Variants in ZNF688 observed in about 807,000 individuals in gnomAD.
ZNF688 encodes zinc finger protein 688.
ZNF688 carries 10 observed loss-of-function variants against 13.2 expected under a neutral mutation model. The ratio of observed to expected loss-of-function variants is 0.76; its 90% CI spans 0.47 to 1.28. The LOEUF is 1.28. Among genes scored for constraint, ZNF688 ranks in the 50% most tolerant of loss-of-function variants. The pLI, the probability that ZNF688 is intolerant of heterozygous loss-of-function variation, is 0.00. For synonymous variants in ZNF688, 160 were observed against 159.4 expected (o/e 1.00, Z -0.03); for missense variants, 381 against 391.4 (o/e 0.97, Z 0.22).
chr16:30,573,401 T>G, upstream of ZNF688, among the ~76,000 whole-genome samples: 1 of 152,188 alleles, frequency 6.6e-6, no homozygotes, highest in Non-Finnish European at 1.5e-5. Context: ...GCTTCCTAGA[T>G]TTAAGGTCTT....
chr16:30,572,695 C>T (rs1410892885), upstream of ZNF688: 1 of 157,672 alleles, frequency 6.3e-6, no homozygotes, highest in Admixed American at 6.5e-5. Context: ...CCTCAGCCTC[C>T]CGAGTAGCTG....
rs756926678 is a variant in ZNF688, at chr16:30,570,243, C to T, written c.504G>A (p.Pro168=). Residue 168 remains proline (P), a synonymous_variant, in exon 3 of 3, where the codon CCG becomes CCA. Coordinates refer to ENST00000223459, the MANE Select transcript of ZNF688 (RefSeq NM_145271.4). ...AWDPTTGAQP[P]APIPSMDAQA... Reference sequence around the variant, plus strand: ...GAGCATCCATGCTGGGTATGGGTGCCGGGGGCTGTGCTCCTGTGGTCGGGT... The same window carrying T: ...GAGCATCCATGCTGGGTATGGGTGCTGGGGGCTGTGCTCCTGTGGTCGGGT... The T allele has an allele frequency of 1.9e-6, 3 of 1,613,382 alleles. No individual in the cohort carries two copies. Among genetic ancestry groups the T allele is most frequent in the South Asian group, 1.1e-5 (1 of 91,056 alleles).
Position 30,570,188 on chromosome 16 carries a change from C to T in ZNF688, c.559G>A (p.Asp187Asn). ...QAGQRRHVCTDCGRRFTYPSL... is the reference protein window; with the variant it reads ...QAGQRRHVCTNCGRRFTYPSL... ...GGGTAGGTGAAGCGGCGGCCGCAGT[C>T]CGTGCACACGTGGCGCCGCTGGCCG... Residue 187 changes from aspartate (D) to asparagine (N), a missense_variant, in exon 3 of 3, where the codon GAC becomes AAC. Physicochemically the swap from Asp to Asn is conservative, Grantham distance 23 (BLOSUM62 1). Transcript: ENST00000223459. 6.2e-7 allele frequency: 1 copy of T among 1,611,398 alleles called. No individual in the cohort carries two copies. Among genetic ancestry groups the T allele is most frequent in the Non-Finnish European group, 8.5e-7 (1 of 1,178,952 alleles).
At chr16:30,574,507 T>C (rs2051729274), upstream of ZNF688, among the ~76,000 whole-genome samples, 2 of 151,024 alleles carry the variant, frequency 1.3e-5, no homozygotes, top group East Asian at 3.9e-4. Flanking sequence ...GATCACACCA[T>C]TGCACTCCAG....
upstream of ZNF688, among the ~76,000 whole-genome samples, chr16:30,575,759 C>T (rs1033985522): frequency 5.3e-5 from 8 of 150,774 alleles, no homozygotes; most frequent in Non-Finnish European, 1.2e-4. Context: ...AGGGTTCAAG[C>T]GATTCTCCTG....
chr16:30,573,219 C>G (rs1172953469), upstream of ZNF688, among the ~76,000 whole-genome samples: 1 of 152,220 alleles, frequency 6.6e-6, no homozygotes, highest in Non-Finnish European at 1.5e-5. Context: ...GCCATTTCTA[C>G]TTATTTACGT....
In ZNF688 at chr16:30,570,216, C is replaced by G; in HGVS notation, c.531G>C (p.Gln177His). Residue 177 changes from glutamine (Q) to histidine (H), a missense_variant, in exon 3 of 3, where the codon CAG becomes CAC. Coordinates refer to ENST00000223459, the MANE Select transcript of ZNF688 (RefSeq NM_145271.4). ...PPAPIPSMDA[Q>H]AGQRRHVCTD... ...TGCACACGTGGCGCCGCTGGCCGGC[C>G]TGAGCATCCATGCTGGGTATGGGTG... 1 of 1,612,990 alleles carries G rather than the reference C, an allele frequency of 6.2e-7. No homozygotes were observed. The highest frequency in any genetic ancestry group is 8.5e-7 in the Non-Finnish European group (1 of 1,179,696).
At chr16:30,577,703 GAC>G (rs1490232927), upstream of ZNF688, among the ~76,000 whole-genome samples, 1 of 136,450 alleles carries the variant, frequency 7.3e-6, no homozygotes, top group African/African-American at 2.8e-5. Context: ...TTTTTTTTAA[GAC>G]AGAGTCTCAC....
At chr16:30,570,595 C>T in intron 2 of ZNF688, 159 bp from the exon 3 acceptor site, 1 of 892,664 alleles carries the variant, frequency 1.1e-6, no homozygotes. Flanking sequence ...CCTAAAAGTG[C>T]CTTATCTGAG....
At chr16:30,577,678 G>C (rs2051759754), upstream of ZNF688, among the ~76,000 whole-genome samples, 1 of 147,488 alleles carries the variant, frequency 6.8e-6, no homozygotes, top group South Asian at 2.2e-4. Context: ...ACTGTACCCG[G>C]CCTGTGGTTT....
Position 30,570,125 on chromosome 16 carries a change from C to T in ZNF688, c.622G>A (p.Glu208Lys). 1 of 1,611,206 alleles carries T rather than the reference C, an allele frequency of 6.2e-7. No individual in the cohort carries two copies. Among genetic ancestry groups the T allele is most frequent in the Non-Finnish European group, 8.5e-7 (1 of 1,178,726 alleles). ...LVSHRRMHSG[E>K]RPFPCPECGM... ...CACTCGGGGCAGGGGAAAGGCCGCT[C>T]CCCCGAGTGCATGCGCCTGTGGCTG... Residue 208 changes from glutamate (E) to lysine (K), a missense_variant, in exon 3 of 3, where the codon GAG (glutamate) becomes AAG (lysine). Glu to Lys is a moderately conservative substitution (Grantham distance 56). Coordinates refer to ENST00000223459, the MANE Select transcript of ZNF688 (RefSeq NM_145271.4).
chr16:30,573,452 A>T (rs2051715795), upstream of ZNF688, among the ~76,000 whole-genome samples: 1 of 152,038 alleles, frequency 6.6e-6, no homozygotes, highest in African/African-American at 2.4e-5. Flanking sequence ...GGCTGGTGGC[A>T]TTGGACTGTA....
At chr16:30,573,885 G>A (rs1236296319), upstream of ZNF688, 1 of 381,122 alleles carries the variant, frequency 2.6e-6, no homozygotes, top group Non-Finnish European at 5.2e-6. Flanking sequence ...ACTCCATGTG[G>A]TGAATACTGT....
upstream of ZNF688, among the ~76,000 whole-genome samples, chr16:30,575,063 G>A (rs1001883987): frequency 6.6e-6 from 1 of 152,092 alleles, no homozygotes; most frequent in African/African-American, 2.4e-5. Context: ...AGTCCACTGT[G>A]TATATATATC....
At chr16:30,570,666 G>A in intron 2 of ZNF688, 3 of 504,980 alleles carry the variant, frequency 5.9e-6, no homozygotes, top group Non-Finnish European at 1.0e-5. Flanking sequence ...AGCGTTACTG[G>A]TTTAGCTGAG....
chr16:30,571,732 AGCCGTGGC>A (rs2051689998), upstream of ZNF688: 1 of 1,339,568 alleles, frequency 7.5e-7, no homozygotes, highest in African/African-American at 1.5e-5. Flanking sequence ...GGCCCCGCCC[AGCCGTGGC>A]GTCCGAACGC....
intron 2 of ZNF688, chr16:30,570,725 A>G (rs754417217): frequency 1.1e-4 from 27 of 246,124 alleles, no homozygotes; most frequent in Non-Finnish European, 1.6e-4. Flanking sequence ...AGGGGCTATT[A>G]TTTATTTATT....
rs2051669000 is a variant in ZNF688, at chr16:30,570,992, C to T, written c.310+18G>A. On this transcript the variant is annotated intron_variant, in intron 2 of 2. Coordinates refer to ENST00000223459, the MANE Select transcript of ZNF688 (RefSeq NM_145271.4). Reference sequence around the variant, plus strand: ...AGCCCTGGAAAACCAAGTGGGGGGACCCGGGACTATCCCTCACCTCTCCGA... The same window carrying T: ...AGCCCTGGAAAACCAAGTGGGGGGATCCGGGACTATCCCTCACCTCTCCGA... 1.2e-6 allele frequency: 2 copies of T among 1,613,536 alleles called. No individual in the cohort carries two copies. Among genetic ancestry groups the T allele is most frequent in the Admixed American group, 1.7e-5 (1 of 59,988 alleles).
upstream of ZNF688, among the ~76,000 whole-genome samples, chr16:30,574,636 A>G (rs1333847076): frequency 6.6e-6 from 1 of 152,144 alleles, no homozygotes; most frequent in African/African-American, 2.4e-5. Context: ...GCTTTTCTTC[A>G]TACATAGAAT....
Sources: gnomAD v4.1 joint callset for allele counts (sites outside exome capture counted in the v4.1 genomes callset) on GRCh38, gnomAD v4.1.1 for gene constraint, MANE v1.5 for transcripts, NCBI Gene and HGNC (gene_info 2026-07-23, HGNC 2026-07-21) for gene names.